The following RNF31 variants were observed in gnomAD, a reference collection of about 807,000 sequenced individuals.
RNF31 encodes E3 ubiquitin-protein ligase RNF31.
A neutral mutation model predicts 133.6 loss-of-function variants in RNF31; 38 were observed. That is an observed-to-expected ratio of 0.28 (90% CI 0.22 to 0.37). The LOEUF (loss-of-function observed/expected upper bound fraction) is 0.37, where lower values mean the gene tolerates loss of function less well. RNF31 is among the 10% of genes least tolerant of loss of function. RNF31 has a pLI of 1.00. For missense variants in RNF31, 1,118 were observed against 1,394.1 expected (o/e 0.80, Z 3.15); for synonymous variants, 582 against 552.3 (o/e 1.05, Z -0.75).
rs755146864 is a variant in RNF31 at position 24,149,546 on chromosome 14, C to T, written c.772C>T (p.Leu258=). The T allele has an allele frequency of 6.2e-7, 1 of 1,614,136 alleles. No individual in the cohort carries two copies. Among genetic ancestry groups the T allele is most frequent in the South Asian group, 1.1e-5 (1 of 91,070 alleles). ...PSRAHHLRQT[L]PGVLQGTHLS... ...CCGTGCTCATCACCTCCGCCAGACC[C>T]TGCCTGGGGTCCTGCAGGGTACCCA... is the stretch of plus-strand genomic sequence containing the variant. The change falls in exon 6 of 21, where the codon CTG becomes TTG. Residue 258 remains leucine, a synonymous_variant. Coordinates refer to ENST00000324103, the MANE Select transcript of RNF31 (RefSeq NM_017999.5).
intron 18 of RNF31, among the ~76,000 whole-genome samples, chr14:24,158,988 G>C (rs1187766691): frequency 6.7e-5 from 9 of 135,000 alleles, no homozygotes; most frequent in East Asian, 4.5e-4. Context: ...AGCAGAGATG[G>C]CGCCACCGCA....
rs1368408297 is a variant in RNF31 at position 24,151,277 on chromosome 14, G to A, written c.1635G>A (p.Gly545=). Residue 545 remains glycine (G), a synonymous_variant, in exon 9 of 21, where the codon GGG becomes GGA. Transcript: ENST00000324103. The surrounding 1 kb of genome is among the most constrained non-coding windows in gnomAD (Gnocchi z 5.3). ...VAELAGQQDP[G]LGAFSCQEAR... is the part of the protein sequence containing the mutation. ...AGCTGGCTGGACAGCAGGACCCTGG[G>A]CTGGGTGCCTTTTCCTGTCAGGAGG... 3 of 1,614,218 alleles carry A rather than the reference G, an allele frequency of 1.9e-6. No homozygotes were observed. Among genetic ancestry groups the A allele is most frequent in the East Asian group, 2.2e-5 (1 of 44,892 alleles).
chr14:24,147,574 G>A lies in RNF31; in HGVS notation c.-125G>A, dbSNP rs927493. ...GTGACCGTGGTCTGAGTGACCTGGGGCGGCTGCGTGGGCCGGGGTGGGCCT... is the reference window on the plus strand; with the variant it reads ...GTGACCGTGGTCTGAGTGACCTGGGACGGCTGCGTGGGCCGGGGTGGGCCT... On this transcript the variant is annotated 5_prime_UTR_variant, in exon 1 of 21. Coordinates refer to ENST00000324103, the MANE Select transcript of RNF31 (RefSeq NM_017999.5). The A allele has an allele frequency of 0.3, 241,296 of 796,386 alleles. 39,923 individuals are homozygous for A. The highest frequency in any genetic ancestry group is 0.62 in the East Asian group (18,272 of 29,610). The allele number at this position is 796,386 out of a possible 1,614,324, so 49.3% of individuals were successfully genotyped here.
At chr14:24,152,192 A>G (rs1029460493) in intron 11 of RNF31, among the ~76,000 whole-genome samples, 200 bp downstream of exon 11, 1 of 152,148 alleles carries the variant, frequency 6.6e-6, no homozygotes, top group Admixed American at 6.5e-5. Context: ...ATTTTCAAAC[A>G]TGCAATAGTA....
In RNF31 at chr14:24,158,173, C is replaced by G; in HGVS notation, c.2873C>G (p.Pro958Arg). Residue 958 changes from proline (P) to arginine (R), a missense_variant, in exon 18 of 21, where the codon CCA becomes CGA. Physicochemically the swap from Pro to Arg is moderately radical, Grantham distance 103 (BLOSUM62 -2). This residue lies in a region of RNF31 where 170 missense variants were observed against 194.5 expected (regional missense o/e 0.87). Transcript: ENST00000324103. ...AACGTCATGTTTAATACAGAGCCTCCAGCTGGGGCCCGGGCAGTCCCTGGA... is the reference window on the plus strand; with the variant it reads ...AACGTCATGTTTAATACAGAGCCTCGAGCTGGGGCCCGGGCAGTCCCTGGA... ...DNNVMFNTEP[P>R]AGARAVPGGG... 1 of 1,614,242 alleles carries G rather than the reference C, an allele frequency of 6.2e-7. No individual in the cohort carries two copies. The highest frequency in any genetic ancestry group is 8.5e-7 in the Non-Finnish European group (1 of 1,180,044).
intron 2 of RNF31, 63 bp downstream of exon 2, chr14:24,148,185 G>A: frequency 3.1e-6 from 5 of 1,613,142 alleles, no homozygotes; most frequent in Non-Finnish European, 4.2e-6. Flanking sequence ...CTGAGGTTGT[G>A]CTGAATGGGA....
At chr14:24,159,032 CAAAAAA>C (rs529900287) in intron 18 of RNF31, among the ~76,000 whole-genome samples, 2 of 54,430 alleles carry the variant, frequency 3.7e-5, no homozygotes, top group Non-Finnish European at 6.7e-5. Context: ...GACTTCGTCT[CAAAAAA>C]AAAAAAAAAA....
intron 11 of RNF31, among the ~76,000 whole-genome samples, chr14:24,154,584 G>C (rs1227696580): frequency 6.6e-6 from 1 of 152,084 alleles, no homozygotes; most frequent in African/African-American, 2.4e-5. Context: ...GGCCCCCAGT[G>C]GTGACTTCTT....
upstream of RNF31, chr14:24,146,950 GGGCTCCCCCAAGAA>G (rs2038174363): frequency 3.4e-6 from 1 of 298,302 alleles, no homozygotes; most frequent in East Asian, 8.8e-5. Context: ...TTCAGTGGCG[GGGCTCCCCCAAGAA>G]GGCTCGACCG....
chr14:24,150,084 G>A lies in RNF31; in HGVS notation c.833G>A (p.Arg278Gln), dbSNP rs748726355. 6 of 1,591,130 alleles carry A rather than the reference G, an allele frequency of 3.8e-6. No homozygotes were observed. Among genetic ancestry groups the A allele is most frequent in the African/African-American group, 1.3e-5 (1 of 74,502 alleles). Residue 278 changes from arginine to glutamine, a missense_variant, in exon 7 of 21, where the codon CGG becomes CAG. Arg to Gln is a conservative substitution (Grantham distance 43). This residue lies in a region of RNF31 where 747 missense variants were observed against 827.9 expected (regional missense o/e 0.90). Coordinates refer to ENST00000324103, the MANE Select transcript of RNF31 (RefSeq NM_017999.5). ...SPSLPASAQP[R>Q]PQSTSLLALG... Reference sequence around the variant, plus strand: ...AGTTTACCTGCCTCAGCCCAACCACGGCCCCAGTCGACCTCCCTGCTGGCC... The same window carrying A: ...AGTTTACCTGCCTCAGCCCAACCACAGCCCCAGTCGACCTCCCTGCTGGCC...
At chr14:24,148,528 C>T (rs576431377) in intron 3 of RNF31, 114 bp from the exon 4 acceptor site, 20 of 1,588,504 alleles carry the variant, frequency 1.3e-5, no homozygotes, top group Non-Finnish European at 1.7e-5. Flanking sequence ...GTTCAGCATT[C>T]TGGGAGCTCC....
chr14:24,152,013 C>T (rs751523768), intron 11 of RNF31, 21 bp downstream of exon 11: 2 of 1,609,660 alleles, frequency 1.2e-6, no homozygotes, highest in Non-Finnish European at 1.7e-6. Context: ...CCCCACGATA[C>T]CTGGTCCAAG....
In RNF31 at chr14:24,147,633, C is replaced by T. The variant is rs1481245691; in HGVS notation, c.-66C>T. 1.1e-5 allele frequency: 15 copies of T among 1,338,808 alleles called. No individual in the cohort carries two copies. The highest frequency in any genetic ancestry group is 3.9e-5 in the Admixed American group (1 of 25,520). 82.9% of individuals were successfully genotyped at this position (1,338,808 alleles called of 1,614,324 possible). A position where few individuals can be genotyped will look rare whatever the true frequency, so the allele number is the denominator to read the frequency against. Reference sequence around the variant, plus strand: ...GGCACCAGACGGGAGGGGCGGCGCTCGGGCCGCGCGCTGCCCGCGCCGGGT... The same window carrying T: ...GGCACCAGACGGGAGGGGCGGCGCTTGGGCCGCGCGCTGCCCGCGCCGGGT... On this transcript the variant is annotated 5_prime_UTR_variant, in exon 1 of 21. Coordinates refer to ENST00000324103, the MANE Select transcript of RNF31 (RefSeq NM_017999.5).
chr14:24,148,463 C>T (rs2038209303), intron 3 of RNF31, 50 bp downstream of exon 3: 2 of 1,612,558 alleles, frequency 1.2e-6, no homozygotes, highest in African/African-American at 1.3e-5. Flanking sequence ...GGCTGGGGAG[C>T]CCAGCCTAAC....
chr14:24,149,290 T>G (rs2038227251), intron 5 of RNF31, 116 bp from the exon 6 acceptor site: 1 of 1,089,142 alleles, frequency 9.2e-7, no homozygotes, highest in Non-Finnish European at 1.3e-6. Context: ...AGATTAAAAT[T>G]GTTTCCTTGG....
Position 24,152,492 on chromosome 14 carries a change from G to A in RNF31, c.2130+500G>A, listed in dbSNP as rs1396989038. Among the ~76,000 whole-genome samples the A allele has an allele frequency of 2.0e-5, 3 of 151,852 alleles. No homozygotes were observed. The South Asian group carries it at 6.2e-4, about 32-fold the overall frequency. ...GGCTGGAGTGCAATGGCGTGATCTC[G>A]GCTCACTGTAACCTCTGCCTCCTCC... On this transcript the variant is annotated intron_variant, in intron 11 of 20. Transcript: ENST00000324103.
chr14:24,149,977 C>T, intron 6 of RNF31, 84 bp from the exon 7 acceptor site: 1 of 1,469,838 alleles, frequency 6.8e-7, no homozygotes, highest in Non-Finnish European at 9.1e-7. Flanking sequence ...TGAGTTGTTA[C>T]CCAGGAAATG....
upstream of RNF31, chr14:24,146,927 G>A (rs1024830446): frequency 2.6e-6 from 1 of 385,854 alleles, no homozygotes; most frequent in African/African-American, 2.1e-5. Context: ...GTGGGAGTAT[G>A]GCAAAGGGGG....
chr14:24,149,986 T>G, intron 6 of RNF31, 75 bp from the exon 7 acceptor site: 2 of 1,484,502 alleles, frequency 1.3e-6, no homozygotes, highest in Non-Finnish European at 1.8e-6. Context: ...ACCCAGGAAA[T>G]GGAGAATGCT....
Sources: gnomAD v4.1 joint callset for allele counts (sites outside exome capture counted in the v4.1 genomes callset) on GRCh38, gnomAD v4.1.1 for gene constraint, gnomAD v4.1.1 regional missense constraint, Gnocchi (gnomAD v3.1) non-coding constraint, MANE v1.5 for transcripts, NCBI Gene and HGNC (gene_info 2026-07-23, HGNC 2026-07-21) for gene names.